The following NRG1 variants were observed in gnomAD, a reference collection of about 807,000 sequenced individuals.
NRG1 encodes the protein neuregulin 1.
A neutral mutation model predicts 63.8 loss-of-function variants in NRG1; 18 were observed. The observed-to-expected ratio is 0.28, with a 90% confidence interval of 0.19 to 0.42. The LOEUF (loss-of-function observed/expected upper bound fraction) is 0.42, where lower values mean the gene tolerates loss of function less well. Ranked by LOEUF, NRG1 falls within the 10% of genes least tolerant of loss-of-function variation. NRG1 has a pLI of 1.00. For synonymous variants in NRG1, 302 were observed against 301.3 expected, an observed-to-expected ratio of 1.00 and a Z score of -0.02; for missense variants, 762 against 814.7, an observed-to-expected ratio of 0.94 and a Z score of 0.79.
chr8:32,559,272 CAGACCTT>C (rs1272874996), intron 1 of NRG1, among the ~76,000 whole-genome samples: 1 of 54,538 alleles, frequency 1.8e-5, no homozygotes, highest in Non-Finnish European at 4.2e-5. Flanking sequence ...AATCACTACT[CAGACCTT>C]ATAAGAATCT....
At chr8:32,685,561 A>G (rs910569680) in intron 5 of NRG1, among the ~76,000 whole-genome samples, 2 of 152,234 alleles carry the variant, frequency 1.3e-5, no homozygotes, top group African/African-American at 4.8e-5. Context: ...TATGGAAACA[A>G]CGTAATAGAT....
chr8:32,371,166 T>C (rs4733317), intron 1 of NRG1, among the ~76,000 whole-genome samples: 85,157 of 151,932 alleles, frequency 0.56, 24,334 homozygotes, highest in Middle Eastern at 0.62. Flanking sequence ...GAGCCGAGAT[T>C]GTGCCACTGC....
chr8:32,036,891 C>T (rs902682809), intron 1 of NRG1, among the ~76,000 whole-genome samples: 1 of 152,122 alleles, frequency 6.6e-6, no homozygotes, highest in African/African-American at 2.4e-5. Flanking sequence ...TTCTTTAGCT[C>T]AGTGAAGTTT....
chr8:32,036,359 A>C (rs776953032), intron 1 of NRG1, among the ~76,000 whole-genome samples: 11 of 151,896 alleles, frequency 7.2e-5, no homozygotes, highest in Non-Finnish European at 1.6e-4. Context: ...GCTACCTTTG[A>C]CGTATTTTTC....
chr8:31,653,441 T>A (rs891417320), intron 1 of NRG1, among the ~76,000 whole-genome samples: 1 of 152,176 alleles, frequency 6.6e-6, no homozygotes, highest in South Asian at 2.1e-4. Context: ...TGGTCCTGAC[T>A]TTCCCCTGAA....
At chr8:31,963,126 G>C (rs1232977809) in intron 1 of NRG1, among the ~76,000 whole-genome samples, 3 of 152,182 alleles carry the variant, frequency 2.0e-5, no homozygotes, top group African/African-American at 7.2e-5. Flanking sequence ...ACAATCATCT[G>C]TCAATGCCCT....
chr8:31,919,040 G>A (rs1459445206), intron 1 of NRG1, among the ~76,000 whole-genome samples: 1 of 152,132 alleles, frequency 6.6e-6, no homozygotes, highest in Non-Finnish European at 1.5e-5. Flanking sequence ...TGTGGGATCA[G>A]TGGTGATATC....
intron 1 of NRG1, among the ~76,000 whole-genome samples, chr8:31,847,117 C>G (rs569440531): frequency 1.3e-5 from 2 of 152,234 alleles, no homozygotes; most frequent in East Asian, 3.9e-4. Context: ...CTTTTATTTG[C>G]CTTTTTGAAT....
At chr8:32,486,705 A>G (rs1442271280) in intron 1 of NRG1, among the ~76,000 whole-genome samples, 1 of 149,944 alleles carries the variant, frequency 6.7e-6, no homozygotes, top group Non-Finnish European at 1.5e-5. Context: ...GCACACTGCA[A>G]CCTCCACCTC....
At chr8:32,465,922 G>T (rs1389517386) in intron 1 of NRG1, among the ~76,000 whole-genome samples, 2 of 152,104 alleles carry the variant, frequency 1.3e-5, no homozygotes, top group Non-Finnish European at 2.9e-5. Context: ...AAGTGTGTTA[G>T]CAATACAAAT....
intron 1 of NRG1, among the ~76,000 whole-genome samples, chr8:31,715,489 G>T (rs1812264523): frequency 6.6e-6 from 1 of 152,100 alleles, no homozygotes; most frequent in South Asian, 2.1e-4. Context: ...AAGTTTATAT[G>T]TCTCTGAAAC....
chr8:32,245,457 A>T (rs1417014190), intron 1 of NRG1, among the ~76,000 whole-genome samples: 2 of 152,108 alleles, frequency 1.3e-5, no homozygotes, highest in Non-Finnish European at 2.9e-5. Context: ...TCCACAAAGG[A>T]GGGGAAGTCA....
At chr8:32,302,225 T>C (rs1334477318) in intron 1 of NRG1, among the ~76,000 whole-genome samples, 2 of 152,292 alleles carry the variant, frequency 1.3e-5, no homozygotes, top group East Asian at 3.9e-4. Flanking sequence ...CTGAGAAATA[T>C]AGCACAGCTC....
In NRG1 at chr8:32,733,000, T is replaced by G. The variant is rs115721087; in HGVS notation, c.632+4922T>G. Among the ~76,000 whole-genome samples the G allele has an allele frequency of 4.2e-3, 644 of 152,026 alleles. 5 individuals carry two copies. The highest frequency in any genetic ancestry group is 0.015 in the African/African-American group (617 of 41,510). On this transcript the variant is annotated intron_variant, in intron 6 of 11. Coordinates refer to ENST00000356819, the Ensembl canonical transcript of NRG1. ...TTTTTTGTATTTAGTAGCGACAGGG[T>G]TTCACCACGTTGGTCAGGCTGGCCT...
intron 1 of NRG1, among the ~76,000 whole-genome samples, chr8:32,026,834 A>G (rs1817453925): frequency 6.6e-6 from 1 of 152,264 alleles, no homozygotes; most frequent in South Asian, 2.1e-4. Flanking sequence ...TACTTCAGGA[A>G]TATCTGTTAA....
intron 3 of NRG1, among the ~76,000 whole-genome samples, chr8:32,607,451 G>A (rs1009591057): frequency 1.3e-5 from 2 of 152,062 alleles, no homozygotes; most frequent in African/African-American, 4.8e-5. Flanking sequence ...TAAAATTAAA[G>A]CTAGTGTCAT....
intron 1 of NRG1, among the ~76,000 whole-genome samples, chr8:32,246,795 C>T (rs375252327): frequency 1.3e-5 from 2 of 151,714 alleles, no homozygotes; most frequent in African/African-American, 2.4e-5. Context: ...GATAGAATGG[C>T]GGTTACAGGG....
intron 1 of NRG1, among the ~76,000 whole-genome samples, chr8:32,370,486 C>T (rs544154905): frequency 6.6e-6 from 1 of 152,204 alleles, no homozygotes; most frequent in Admixed American, 6.5e-5. Flanking sequence ...CTGTGTATTA[C>T]ATATATTTTC....
intron 1 of NRG1, among the ~76,000 whole-genome samples, chr8:32,345,479 A>G (rs1336561739): frequency 1.3e-5 from 2 of 152,186 alleles, no homozygotes; most frequent in Non-Finnish European, 2.9e-5. Context: ...GTGCAGAGCA[A>G]TTAGACAGTT....
Sources: allele counts gnomAD v4.1 joint callset (sites outside exome capture counted in the v4.1 genomes callset), GRCh38; gene constraint gnomAD v4.1.1; transcripts MANE v1.5; gene names NCBI Gene and HGNC (gene_info 2026-07-23, HGNC 2026-07-21).